Variants in GLIPR2 observed in about 807,000 individuals in gnomAD.
The protein encoded by GLIPR2 is Golgi-associated plant pathogenesis-related protein 1.
In GLIPR2, 21 loss-of-function variants were observed where a neutral mutation model predicts 20.4. The observed-to-expected ratio is 1.03, with a 90% CI of 0.73 to 1.48. GLIPR2 has a LOEUF of 1.48. Ranked by LOEUF, GLIPR2 falls within the 40% of genes most tolerant of loss-of-function variation. The pLI is 0.00. For missense variants in GLIPR2, 205 were observed against 200.1 expected (o/e 1.02, Z -0.15); for synonymous variants, 91 against 80.5 (o/e 1.13, Z -0.70).
At chr9:36,137,408 C>T (rs1450559073) in intron 1 of GLIPR2, among the ~76,000 whole-genome samples, 1 of 152,200 alleles carries the variant, frequency 6.6e-6, no homozygotes, top group East Asian at 1.9e-4. Flanking sequence ...GCCTTCGGGC[C>T]CCTGGGAGTG....
At chr9:36,157,171 C>T (rs908255937) in intron 4 of GLIPR2, among the ~76,000 whole-genome samples, 1 of 148,740 alleles carries the variant, frequency 6.7e-6, no homozygotes, top group African/African-American at 2.5e-5. Context: ...CACCCGCCAT[C>T]ATGCCCAGCT....
At chr9:36,138,930 G>C (rs896748211) in intron 1 of GLIPR2, among the ~76,000 whole-genome samples, 2 of 152,160 alleles carry the variant, frequency 1.3e-5, no homozygotes, top group African/African-American at 4.8e-5. Context: ...GCCATGGAAA[G>C]GCACTGATCT....
chr9:36,151,134 C>T, intron 4 of GLIPR2, 185 bp downstream of exon 4: 1 of 600,454 alleles, frequency 1.7e-6, no homozygotes, highest in Admixed American at 2.7e-5. Context: ...ACATCCCCAG[C>T]TTCCCCATGC....
In GLIPR2 at chr9:36,162,964, A is replaced by G. The variant is rs1342138761; in HGVS notation, c.*442A>G. 2.2e-6 allele frequency: 1 copy of G among 447,478 alleles called. No homozygotes were observed. The highest frequency in any genetic ancestry group is 4.4e-6 in the Non-Finnish European group (1 of 224,928). The allele number at this position is 447,478 out of a possible 1,614,324, so 27.7% of individuals were successfully genotyped here. ...AGATAATTAAGATTATTAAACCCTC[A>G]TTTAAATGTGACATAAAATACAGCT... On this transcript the variant is annotated 3_prime_UTR_variant, in exon 5 of 5. Transcript: ENST00000377960.
intron 1 of GLIPR2, chr9:36,144,582 T>G (rs1259960384): frequency 1.3e-5 from 2 of 152,280 alleles, no homozygotes; most frequent in Non-Finnish European, 2.9e-5. Context: ...CCATGATCAG[T>G]TTCCACCTCC....
At chr9:36,136,627 G>A (rs551775090), upstream of GLIPR2, 1,079 of 508,588 alleles carry the variant, frequency 2.1e-3, 9 homozygotes, top group African/African-American at 0.02. The surrounding 1 kb of genome is among the most constrained non-coding windows in gnomAD (Gnocchi z 4.3). Flanking sequence ...GGGCGCCTCC[G>A]CCCTCAGCTG....
At chr9:36,142,065 G>A (rs1825114875) in intron 1 of GLIPR2, among the ~76,000 whole-genome samples, 1 of 152,118 alleles carries the variant, frequency 6.6e-6, no homozygotes, top group Non-Finnish European at 1.5e-5. Context: ...TGCAGTCCCT[G>A]ATATCCCCCT....
intron 3 of GLIPR2, among the ~76,000 whole-genome samples, chr9:36,149,534 CG>C (rs1408348257): frequency 6.6e-6 from 1 of 152,198 alleles, no homozygotes; most frequent in Non-Finnish European, 1.5e-5. Context: ...CTGTGGCCCT[CG>C]ATGGGCCCCG....
chr9:36,152,435 C>T (rs35408244), intron 4 of GLIPR2, among the ~76,000 whole-genome samples: 387 of 152,190 alleles, frequency 2.5e-3, no homozygotes, highest in Non-Finnish European at 4.4e-3. Flanking sequence ...TGTGTGTGTG[C>T]GCACCACGTG....
chr9:36,147,407 C>T (rs866366617), intron 1 of GLIPR2, among the ~76,000 whole-genome samples: 1 of 152,230 alleles, frequency 6.6e-6, no homozygotes, highest in Non-Finnish European at 1.5e-5. Flanking sequence ...TGTCCAGGTC[C>T]CCAAATCTGC....
intron 1 of GLIPR2, among the ~76,000 whole-genome samples, chr9:36,143,409 C>T (rs941016273): frequency 2.6e-5 from 4 of 152,178 alleles, no homozygotes; most frequent in African/African-American, 9.7e-5. Flanking sequence ...CTGCACGTGC[C>T]ACTCAGCCTC....
At chr9:36,159,456 T>C (rs888806746) in intron 4 of GLIPR2, among the ~76,000 whole-genome samples, 1 of 152,206 alleles carries the variant, frequency 6.6e-6, no homozygotes, top group South Asian at 2.1e-4. Flanking sequence ...AACATTTATT[T>C]TACACTTTTC....
intron 1 of GLIPR2, among the ~76,000 whole-genome samples, chr9:36,138,029 C>T (rs1056113567): frequency 1.3e-5 from 2 of 151,944 alleles, no homozygotes; most frequent in East Asian, 3.9e-4. Context: ...TGAGGGTGGC[C>T]GTATGAGCCC....
chr9:36,160,430 C>T (rs1295213968), intron 4 of GLIPR2, among the ~76,000 whole-genome samples: 1 of 151,666 alleles, frequency 6.6e-6, no homozygotes, highest in East Asian at 1.9e-4. Context: ...GAGGTGGAAG[C>T]TGAAGTAAGC....
In GLIPR2 at chr9:36,162,791, TAA is replaced by T; in HGVS notation, c.*270_*271del. ...GGAGGGGGGATCCGTTTTTTTTTTT[TAA>T]TTTTTTGTTATTTCTAAGCAAACCT... On this transcript the variant is annotated 3_prime_UTR_variant, in exon 5 of 5. Transcript: ENST00000377960. 1 of 519,274 alleles carries T rather than the reference TAA, an allele frequency of 1.9e-6. No individual in the cohort carries two copies. Among genetic ancestry groups the T allele is most frequent in the Non-Finnish European group, 3.5e-6 (1 of 285,388 alleles). The allele number at this position is 519,274 out of a possible 1,614,324, so 32.2% of individuals were successfully genotyped here.
chr9:36,136,962 G>C lies in GLIPR2; in HGVS notation c.13+171G>C, dbSNP rs562395746. The C allele has an allele frequency of 3.8e-4, 292 of 775,600 alleles. 4 individuals carry two copies. In the South Asian group the frequency reaches 0.017, roughly 46 times the overall value. 48.0% of individuals were successfully genotyped at this position (775,600 alleles called of 1,614,324 possible). On this transcript the variant is annotated intron_variant, in intron 1 of 4. Coordinates refer to ENST00000377960, the MANE Select transcript of GLIPR2 (RefSeq NM_022343.4). The surrounding 1 kb of genome is among the most constrained non-coding windows in gnomAD (Gnocchi z 4.3). ...GCGCGGTTTCCGGGGAACCCGGGGG[G>C]AAGGCGAGCCCGAGGGAGGCCCCCG...
At chr9:36,152,473 G>T (rs1406644809) in intron 4 of GLIPR2, among the ~76,000 whole-genome samples, 1 of 152,094 alleles carries the variant, frequency 6.6e-6, no homozygotes, top group Non-Finnish European at 1.5e-5. Context: ...CCATGGGCTG[G>T]GTGCGGTGGC....
chr9:36,149,136 A>T (rs1339731454), intron 3 of GLIPR2, among the ~76,000 whole-genome samples: 4 of 152,220 alleles, frequency 2.6e-5, no homozygotes, highest in Non-Finnish European at 4.4e-5. Context: ...TGGAAAAAAA[A>T]ATAATAATGG....
intron 4 of GLIPR2, among the ~76,000 whole-genome samples, chr9:36,156,405 A>AT (rs1825834436): frequency 2.0e-5 from 3 of 150,792 alleles, no homozygotes; most frequent in Admixed American, 2.0e-4. Flanking sequence ...AAAAAAAAAA[A>AT]AAAAAAAGAA....
Sources: allele counts gnomAD v4.1 joint callset (sites outside exome capture counted in the v4.1 genomes callset), GRCh38; gene constraint gnomAD v4.1.1; non-coding constraint Gnocchi (gnomAD v3.1); transcripts MANE v1.5; gene names NCBI Gene and HGNC (gene_info 2026-07-23, HGNC 2026-07-21).